Variants in NRG3 observed in about 807,000 individuals in gnomAD.
NRG3 encodes neuregulin 3.
A neutral mutation model predicts 66.9 loss-of-function variants in NRG3; 31 were observed. The ratio of observed to expected loss-of-function variants is 0.46; its 90% CI spans 0.35 to 0.63. NRG3 has a LOEUF of 0.63. NRG3 is among the 20% of genes least tolerant of loss of function. NRG3 has a pLI of 0.00. For missense variants in NRG3, 910 were observed against 878.9 expected (o/e 1.04, Z -0.45); for synonymous variants, 393 against 359.4 (o/e 1.09, Z -1.06).
In NRG3 at chr10:82,977,088, G is replaced by A. The variant is rs1407501842; in HGVS notation, c.1413-1862G>A. ...GTACAAGTACCTCCATCAGCATCAT[G>A]CTTCCAGTAACTAGTTACCTGCAGA... On this transcript the variant is annotated intron_variant, in intron 7 of 8. Coordinates refer to ENST00000372141, the MANE Select transcript of NRG3 (RefSeq NM_001010848.4). 2.0e-5 allele frequency among the ~76,000 whole-genome samples: 3 copies of A among 152,230 alleles called. No individual in the cohort carries two copies. The East Asian group carries it at 5.8e-4, about 29-fold the overall frequency.
At chr10:82,794,564 T>G (rs141420789) in intron 3 of NRG3, among the ~76,000 whole-genome samples, 1 of 152,144 alleles carries the variant, frequency 6.6e-6, no homozygotes, top group East Asian at 1.9e-4. Flanking sequence ...GCTTTGTGAC[T>G]GAAAACAATG....
intron 1 of NRG3, among the ~76,000 whole-genome samples, chr10:82,050,102 T>C (rs1414806695): frequency 2.6e-5 from 4 of 152,008 alleles, no homozygotes; most frequent in Admixed American, 6.6e-5. Context: ...TAAGCAGTGA[T>C]GGGGCTGAAG....
intron 2 of NRG3, among the ~76,000 whole-genome samples, chr10:82,724,115 A>T (rs1342084258): frequency 6.6e-6 from 1 of 152,108 alleles, no homozygotes; most frequent in Non-Finnish European, 1.5e-5. Context: ...TAAAATTAAG[A>T]TTGCTCTAGT....
chr10:82,400,047 C>T (rs2086973870), intron 2 of NRG3, among the ~76,000 whole-genome samples: 1 of 152,092 alleles, frequency 6.6e-6, no homozygotes, highest in African/African-American at 2.4e-5. Flanking sequence ...TAGCAGTGAG[C>T]AAACACTATA....
chr10:81,973,518 C>G (rs774468962), intron 1 of NRG3, among the ~76,000 whole-genome samples: 1 of 152,176 alleles, frequency 6.6e-6, no homozygotes, highest in Non-Finnish European at 1.5e-5. Flanking sequence ...AATTTACACT[C>G]CTACCAACAG....
intron 1 of NRG3, among the ~76,000 whole-genome samples, chr10:81,937,008 C>G (rs1470556341): frequency 6.6e-6 from 1 of 152,176 alleles, no homozygotes; most frequent in Non-Finnish European, 1.5e-5. Flanking sequence ...AGATAACTCA[C>G]AAACATGAAA....
intron 2 of NRG3, among the ~76,000 whole-genome samples, chr10:82,530,534 A>G (rs2132638465): frequency 6.6e-6 from 1 of 152,084 alleles, no homozygotes; most frequent in Admixed American, 6.5e-5. Context: ...AGTGTTCCGG[A>G]ATCATATATA....
intron 4 of NRG3, among the ~76,000 whole-genome samples, chr10:82,915,544 G>A (rs1845748462): frequency 6.6e-6 from 1 of 151,978 alleles, no homozygotes; most frequent in African/African-American, 2.4e-5. Flanking sequence ...TGCTATATTT[G>A]CATATTCCCT....
At chr10:82,024,448 GT>G (rs2062204590) in intron 1 of NRG3, among the ~76,000 whole-genome samples, 1 of 151,840 alleles carries the variant, frequency 6.6e-6, no homozygotes, top group Non-Finnish European at 1.5e-5. Flanking sequence ...AATTTCACCT[GT>G]TTCTTTTTCC....
intron 3 of NRG3, among the ~76,000 whole-genome samples, chr10:82,840,249 C>A (rs777007010): frequency 6.6e-6 from 1 of 152,138 alleles, no homozygotes; most frequent in Non-Finnish European, 1.5e-5. Flanking sequence ...CTCCTTCACT[C>A]CCATCAGGTA....
chr10:82,044,622 A>G (rs1276122237), intron 1 of NRG3, among the ~76,000 whole-genome samples: 1 of 151,958 alleles, frequency 6.6e-6, no homozygotes, highest in Admixed American at 6.6e-5. Context: ...CATGTGCACA[A>G]TGTGCAGGTT....
At chr10:82,521,237 C>A (rs1424392691) in intron 2 of NRG3, among the ~76,000 whole-genome samples, 1 of 151,984 alleles carries the variant, frequency 6.6e-6, no homozygotes, top group East Asian at 1.9e-4. Flanking sequence ...TAACAATCAT[C>A]TGAGCTTTCA....
Position 81,936,660 on chromosome 10 carries a change from G to A in NRG3, c.823+60497G>A, listed in dbSNP as rs183870363. ...AGGGATATTATTTTGGTTTTGCTCC[G>A]TAAGGTGGTTGGGGCCGAAGCTCTT... is the stretch of plus-strand genomic sequence containing the variant. On this transcript the variant is annotated intron_variant, in intron 1 of 8. Coordinates refer to ENST00000372141, the MANE Select transcript of NRG3 (RefSeq NM_001010848.4). Among the ~76,000 whole-genome samples, 29 of 152,146 alleles carry A rather than the reference G, an allele frequency of 1.9e-4. No homozygotes were observed. The East Asian group carries it at 2.1e-3, about 11-fold the overall frequency.
At chr10:82,634,591 C>A (rs1188466607) in intron 2 of NRG3, among the ~76,000 whole-genome samples, 2 of 152,160 alleles carry the variant, frequency 1.3e-5, no homozygotes, top group Non-Finnish European at 2.9e-5. Flanking sequence ...GCTTTCCTCT[C>A]TAATATGTAA....
At chr10:81,996,005 A>AT (rs751990530) in intron 1 of NRG3, among the ~76,000 whole-genome samples, 82 of 151,930 alleles carry the variant, frequency 5.4e-4, no homozygotes, top group Non-Finnish European at 6.5e-4. Context: ...CAGCTCTGGA[A>AT]TTTTTTTTTC....
intron 2 of NRG3, among the ~76,000 whole-genome samples, chr10:82,567,606 G>A (rs553623540): frequency 1.3e-5 from 2 of 152,024 alleles, no homozygotes; most frequent in East Asian, 3.9e-4. Context: ...CTCAGCTAAG[G>A]AGATAATATG....
chr10:82,409,127 G>T (rs1164173715), intron 2 of NRG3, among the ~76,000 whole-genome samples: 3 of 152,138 alleles, frequency 2.0e-5, no homozygotes, highest in African/African-American at 7.2e-5. Context: ...AAGGTTTACG[G>T]TTAGAATGAA....
chr10:82,464,047 T>C (rs1381315907), intron 2 of NRG3, among the ~76,000 whole-genome samples: 2 of 152,206 alleles, frequency 1.3e-5, no homozygotes, highest in Admixed American at 1.3e-4. Context: ...TAGCTTTCAG[T>C]CTTTACACTC....
intron 2 of NRG3, among the ~76,000 whole-genome samples, chr10:82,537,522 CAGTT>C (rs1000558878): frequency 6.6e-6 from 1 of 152,044 alleles, no homozygotes; most frequent in Non-Finnish European, 1.5e-5. Flanking sequence ...TGATAAGAGT[CAGTT>C]AGATTTATAA....
Sources: allele counts gnomAD v4.1 joint callset (sites outside exome capture counted in the v4.1 genomes callset), GRCh38; gene constraint gnomAD v4.1.1; transcripts MANE v1.5; gene names NCBI Gene and HGNC (gene_info 2026-07-23, HGNC 2026-07-21).